The following ZNF385D variants were observed in gnomAD, a reference collection of about 807,000 sequenced individuals.
The protein encoded by ZNF385D is zinc finger protein 659.
Under a neutral mutation model 35.8 loss-of-function variants are expected in ZNF385D, and 15 were observed. The ratio of observed to expected loss-of-function variants is 0.42; its 90% CI spans 0.28 to 0.64. The LOEUF (loss-of-function observed/expected upper bound fraction) is 0.64, where lower values mean the gene tolerates loss of function less well. Among genes scored for constraint, ZNF385D ranks in the 30% least tolerant of loss-of-function variants. The pLI is 0.23. For synonymous variants in ZNF385D, 212 were observed against 186.8 expected (o/e 1.13, Z -1.10); for missense variants, 474 against 494.6 (o/e 0.96, Z 0.39).
intron 4 of ZNF385D, among the ~76,000 whole-genome samples, chr3:21,505,286 A>G (rs1189117765): frequency 2.0e-5 from 3 of 152,144 alleles, no homozygotes; most frequent in Non-Finnish European, 1.5e-5. Flanking sequence ...GGAGAAGGAC[A>G]GGGCAAGAGA....
chr3:22,073,165 G>A (rs906227736), intron 3 of ZNF385D, among the ~76,000 whole-genome samples: 1 of 152,008 alleles, frequency 6.6e-6, no homozygotes, highest in African/African-American at 2.4e-5. Flanking sequence ...ACAAAGCTAA[G>A]TTCTGGTCAA....
At chr3:21,675,167 A>C (rs2066686957) in intron 1 of ZNF385D, among the ~76,000 whole-genome samples, 1 of 152,112 alleles carries the variant, frequency 6.6e-6, no homozygotes, top group African/African-American at 2.4e-5. Context: ...AAAGATTTTT[A>C]GTGCAATTAA....
chr3:22,298,729 A>T lies in ZNF385D; in HGVS notation c.106+73721T>A, dbSNP rs1355699849. ...AAAACCAAAAAAAAAAAATAAAATG[A>T]TCTAATTTCCATTTTGGAGATTTCA... On this transcript the variant is annotated intron_variant, in intron 2 of 5. Coordinates refer to the ZNF385D transcript ENST00000494108. 2.0e-5 allele frequency among the ~76,000 whole-genome samples: 3 copies of T among 150,932 alleles called. No individual in the cohort carries two copies. The South Asian group carries it at 6.2e-4, about 31-fold the overall frequency.
chr3:22,243,884 A>C (rs1699625173), intron 2 of ZNF385D, among the ~76,000 whole-genome samples: 1 of 150,872 alleles, frequency 6.6e-6, no homozygotes, highest in African/African-American at 2.5e-5. Context: ...GACAGCTGGA[A>C]ATATGGCCCT....
At chr3:21,909,900 C>T (rs2125911643) in intron 3 of ZNF385D, among the ~76,000 whole-genome samples, 1 of 152,112 alleles carries the variant, frequency 6.6e-6, no homozygotes, top group South Asian at 2.1e-4. Context: ...AATAATGTAT[C>T]ATTGTTGATA....
intron 2 of ZNF385D, among the ~76,000 whole-genome samples, chr3:22,215,461 G>A (rs192835886): frequency 2.8e-4 from 43 of 151,958 alleles, no homozygotes; most frequent in African/African-American, 8.9e-4. Context: ...GGGGGCGGCC[G>A]TCTTTTATGG....
At chr3:22,029,110 G>T (rs979150069) in intron 3 of ZNF385D, among the ~76,000 whole-genome samples, 3 of 152,100 alleles carry the variant, frequency 2.0e-5, no homozygotes, top group African/African-American at 7.2e-5. Context: ...GAGGAACGCT[G>T]CCACCAGGAG....
intron 3 of ZNF385D, chr3:22,133,541 C>T (rs868513678): frequency 1.3e-5 from 2 of 151,946 alleles, no homozygotes; most frequent in African/African-American, 2.4e-5. Flanking sequence ...ATACAGACTG[C>T]ATATCTGGTT....
intron 3 of ZNF385D, among the ~76,000 whole-genome samples, chr3:21,513,191 G>T (rs1256534827): frequency 2.0e-5 from 3 of 151,910 alleles, no homozygotes; most frequent in African/African-American, 7.3e-5. Flanking sequence ...AAGCCCACAA[G>T]TTAAGAAAGT....
At chr3:21,548,790 C>T (rs2062467903) in intron 3 of ZNF385D, among the ~76,000 whole-genome samples, 1 of 152,156 alleles carries the variant, frequency 6.6e-6, no homozygotes, top group Admixed American at 6.6e-5. Flanking sequence ...TAGGGCATGT[C>T]CCCTGATATC....
intron 3 of ZNF385D, among the ~76,000 whole-genome samples, chr3:21,814,675 T>G (rs1199936189): frequency 6.6e-6 from 1 of 152,260 alleles, no homozygotes; most frequent in East Asian, 1.9e-4. Flanking sequence ...GCACCCAGAT[T>G]CATAAAGCAA....
At chr3:22,139,228 C>G (rs949677542) in intron 3 of ZNF385D, among the ~76,000 whole-genome samples, 291 of 152,238 alleles carry the variant, frequency 1.9e-3, no homozygotes, top group African/African-American at 5.4e-3. Flanking sequence ...GGATCTAGAA[C>G]TAGAAATACC....
chr3:22,020,414 C>G (rs1697154322), intron 3 of ZNF385D, among the ~76,000 whole-genome samples: 1 of 151,784 alleles, frequency 6.6e-6, no homozygotes, highest in African/African-American at 2.4e-5. Flanking sequence ...GTTCTGTGCT[C>G]CAGCAGTTTC....
At chr3:21,582,499 G>A (rs1559429726) in intron 2 of ZNF385D, among the ~76,000 whole-genome samples, 2 of 151,902 alleles carry the variant, frequency 1.3e-5, no homozygotes, top group Admixed American at 1.3e-4. Flanking sequence ...TCACTCATGG[G>A]CCTTTCTTAA....
intron 3 of ZNF385D, among the ~76,000 whole-genome samples, chr3:22,096,478 G>C (rs1215903215): frequency 6.6e-6 from 1 of 151,830 alleles, no homozygotes; most frequent in Non-Finnish European, 1.5e-5. Flanking sequence ...TAAAAATATA[G>C]AGACATATAA....
intron 4 of ZNF385D, among the ~76,000 whole-genome samples, chr3:21,475,065 G>A (rs1704146293): frequency 1.3e-5 from 2 of 152,010 alleles, no homozygotes; most frequent in Non-Finnish European, 2.9e-5. Flanking sequence ...GAGATGGTTA[G>A]GAATCTAAAG....
intron 1 of ZNF385D, among the ~76,000 whole-genome samples, chr3:21,676,861 T>C (rs1188071410): frequency 1.3e-5 from 2 of 151,840 alleles, no homozygotes; most frequent in African/African-American, 4.8e-5. Flanking sequence ...TTCCACCAAA[T>C]TGAAAGAACA....
chr3:22,048,119 T>C (rs958302741), intron 3 of ZNF385D, among the ~76,000 whole-genome samples: 2 of 152,174 alleles, frequency 1.3e-5, no homozygotes, highest in African/African-American at 4.8e-5. Flanking sequence ...TTGAGTTCCA[T>C]ATATATTTTT....
At chr3:22,149,876 G>A (rs1226063500) in intron 3 of ZNF385D, among the ~76,000 whole-genome samples, 1 of 152,046 alleles carries the variant, frequency 6.6e-6, no homozygotes, top group African/African-American at 2.4e-5. Context: ...AAGTATCAAT[G>A]GGTGATAAGT....
Sources: allele counts gnomAD v4.1 joint callset (sites outside exome capture counted in the v4.1 genomes callset), GRCh38; gene constraint gnomAD v4.1.1; transcripts MANE v1.5; gene names NCBI Gene and HGNC (gene_info 2026-07-23, HGNC 2026-07-21).